The following HECW2 variants were observed in gnomAD, a reference collection of about 807,000 sequenced individuals.
HECW2 encodes the protein E3 ubiquitin-protein ligase HECW2.
In HECW2, 61 loss-of-function variants were observed where a neutral mutation model predicts 175.2. That is an observed-to-expected ratio of 0.35 (90% confidence interval 0.28 to 0.43). The LOEUF is 0.43. Ranked by LOEUF, HECW2 falls within the 20% of genes least tolerant of loss-of-function variation. The pLI is 1.00. For synonymous variants in HECW2, 671 were observed against 731.0 expected, an observed-to-expected ratio of 0.92 and a Z score of 1.32; for missense variants, 1,524 against 2,000.5, an observed-to-expected ratio of 0.76 and a Z score of 4.54.
chr2:196,501,921 A>C (rs1687590479), intron 1 of HECW2, among the ~76,000 whole-genome samples: 1 of 152,174 alleles, frequency 6.6e-6, no homozygotes, highest in Non-Finnish European at 1.5e-5. Context: ...TATTCCCAAA[A>C]AGGAAAAAAG....
At chr2:196,259,712 T>G (rs557377067) in intron 17 of HECW2, among the ~76,000 whole-genome samples, 10 of 152,178 alleles carry the variant, frequency 6.6e-5, no homozygotes, top group Non-Finnish European at 1.3e-4. Context: ...ATCATACATC[T>G]GAAACACGTG....
intron 1 of HECW2, among the ~76,000 whole-genome samples, chr2:196,572,997 T>TA (rs1380332157): frequency 6.6e-6 from 1 of 151,816 alleles, no homozygotes; most frequent in African/African-American, 2.4e-5. Flanking sequence ...AAAAGTCTTT[T>TA]AAAATCTACA....
chr2:196,591,744 G>A (rs1691201731), intron 1 of HECW2, among the ~76,000 whole-genome samples: 1 of 151,964 alleles, frequency 6.6e-6, no homozygotes, highest in Admixed American at 6.6e-5. Context: ...TGTCTCCCAC[G>A]CTATATAAAC....
intron 1 of HECW2, among the ~76,000 whole-genome samples, chr2:196,469,836 G>A (rs1477711035): frequency 6.6e-6 from 1 of 151,798 alleles, no homozygotes; most frequent in Non-Finnish European, 1.5e-5. Flanking sequence ...CTCTGGGGCG[G>A]GGGACTAATT....
chr2:196,384,606 A>G (rs1694298594), intron 2 of HECW2, among the ~76,000 whole-genome samples: 1 of 152,200 alleles, frequency 6.6e-6, no homozygotes, highest in South Asian at 2.1e-4. Context: ...TTTAATCATA[A>G]GGTGGCAAAT....
chr2:196,512,923 C>T (rs942128433), intron 1 of HECW2, among the ~76,000 whole-genome samples: 4 of 152,042 alleles, frequency 2.6e-5, no homozygotes, highest in Non-Finnish European at 5.9e-5. Flanking sequence ...AACTCCTGAC[C>T]TCAGGCAATC....
At chr2:196,558,931 C>T (rs1689899356) in intron 1 of HECW2, among the ~76,000 whole-genome samples, 1 of 152,164 alleles carries the variant, frequency 6.6e-6, no homozygotes, top group African/African-American at 2.4e-5. Flanking sequence ...GTAATGTGAA[C>T]TTACCATTCA....
intron 1 of HECW2, among the ~76,000 whole-genome samples, chr2:196,445,695 G>A (rs934854386): frequency 1.3e-5 from 2 of 152,190 alleles, no homozygotes; most frequent in African/African-American, 2.4e-5. Context: ...ATGATCAGCA[G>A]GGGCTGAAGT....
At chr2:196,536,998 T>TA (rs1689042607) in intron 1 of HECW2, among the ~76,000 whole-genome samples, 1 of 152,142 alleles carries the variant, frequency 6.6e-6, no homozygotes, top group Non-Finnish European at 1.5e-5. Context: ...ATGAAATTAG[T>TA]AAAAAGAAAG....
chr2:196,220,364 T>C (rs1687622063), intron 25 of HECW2, among the ~76,000 whole-genome samples: 1 of 152,256 alleles, frequency 6.6e-6, no homozygotes, highest in Admixed American at 6.5e-5. Flanking sequence ...TTTTGTTTTA[T>C]AATTGATTGC....
intron 17 of HECW2, among the ~76,000 whole-genome samples, chr2:196,267,320 T>G (rs2105951020): frequency 1.3e-5 from 2 of 152,362 alleles, no homozygotes; most frequent in South Asian, 4.1e-4. Flanking sequence ...CTGTTAAAGG[T>G]TGTTTTCTAA....
At chr2:196,588,146 G>C (rs758814055) in intron 1 of HECW2, among the ~76,000 whole-genome samples, 33 of 152,022 alleles carry the variant, frequency 2.2e-4, no homozygotes, top group Non-Finnish European at 4.4e-5. Flanking sequence ...ATATAATTTA[G>C]TTATTTGGTT....
chr2:196,513,506 T>C (rs949514695), intron 1 of HECW2, among the ~76,000 whole-genome samples: 3 of 152,126 alleles, frequency 2.0e-5, no homozygotes, highest in Non-Finnish European at 4.4e-5. Flanking sequence ...TGAGACCCTG[T>C]CTCAAAAAGA....
chr2:196,241,785 C>T (rs1200681204), intron 20 of HECW2, among the ~76,000 whole-genome samples: 1 of 152,160 alleles, frequency 6.6e-6, no homozygotes, highest in African/African-American at 2.4e-5. Flanking sequence ...AATGAATATA[C>T]TATGCACCAA....
chr2:196,341,315 C>CTCCAAAGGAAGTGATTTTGCCAAAATCA (rs1692743482), intron 3 of HECW2, among the ~76,000 whole-genome samples: 1 of 152,076 alleles, frequency 6.6e-6, no homozygotes, highest in Admixed American at 6.5e-5. Context: ...AGTGATTTTA[C>CTCCAAAGGAAGTGATTTTGCCAAAATCA]CTTTTCCCCT....
chr2:196,440,884 A>C (rs866445231), intron 1 of HECW2, among the ~76,000 whole-genome samples: 1 of 152,230 alleles, frequency 6.6e-6, no homozygotes, highest in South Asian at 2.1e-4. Context: ...GGCACAATTT[A>C]ACATGATGTA....
chr2:196,273,789 A>T (rs1010956791), intron 16 of HECW2, among the ~76,000 whole-genome samples: 1 of 152,190 alleles, frequency 6.6e-6, no homozygotes, highest in African/African-American at 2.4e-5. Context: ...TCTACTCAGG[A>T]AAGGTAGGGT....
At chr2:196,496,227 G>A (rs1687389712) in intron 1 of HECW2, among the ~76,000 whole-genome samples, 1 of 152,056 alleles carries the variant, frequency 6.6e-6, no homozygotes, top group Non-Finnish European at 1.5e-5. Flanking sequence ...GTGTCTGTGT[G>A]TGTGTGCAGG....
intron 28 of HECW2, among the ~76,000 whole-genome samples, chr2:196,214,189 T>A (rs561328489): frequency 3.3e-5 from 5 of 152,156 alleles, no homozygotes; most frequent in Non-Finnish European, 5.9e-5. Context: ...AGAAGGATCA[T>A]GCAACTTCAC....
Sources: allele counts gnomAD v4.1 joint callset (sites outside exome capture counted in the v4.1 genomes callset), GRCh38; gene constraint gnomAD v4.1.1; transcripts MANE v1.5; gene names NCBI Gene and HGNC (gene_info 2026-07-23, HGNC 2026-07-21).